SUGCT: variants seen among roughly 807,000 people sequenced by gnomAD.
The protein encoded by SUGCT is succinyl-CoA:glutarate-CoA transferase.
In SUGCT, 41 loss-of-function variants were observed where a neutral mutation model predicts 55.0. The ratio of observed to expected loss-of-function variants is 0.74; its 90% confidence interval spans 0.58 to 0.97. The LOEUF (loss-of-function observed/expected upper bound fraction) is 0.97, where lower values mean the gene tolerates loss of function less well. Ranked by LOEUF, SUGCT falls within the 50% of genes least tolerant of loss-of-function variation. The pLI is 0.00. For synonymous variants in SUGCT, 187 were observed against 200.4 expected (o/e 0.93, Z 0.56); for missense variants, 568 against 547.8 (o/e 1.04, Z -0.37).
At chr7:40,316,955 G>GTTTTTGT in intron 9 of SUGCT, 100 bp downstream of exon 9, 1 of 186,724 alleles carries the variant, frequency 5.4e-6, no homozygotes, top group South Asian at 1.4e-4. Context: ...TCCTTCAGCT[G>GTTTTTGT]TTTTTTTTTT....
intron 12 of SUGCT, among the ~76,000 whole-genome samples, chr7:40,522,232 G>T (rs1052996534): frequency 4.6e-5 from 7 of 152,084 alleles, no homozygotes; most frequent in Admixed American, 2.0e-4. Flanking sequence ...CAAACTTGTA[G>T]TTTCTCTAAC....
chr7:40,827,782 AG>A (rs988097682), intron 13 of SUGCT, among the ~76,000 whole-genome samples: 1 of 152,114 alleles, frequency 6.6e-6, no homozygotes, highest in Non-Finnish European at 1.5e-5. Flanking sequence ...AAAGGGAAAA[AG>A]CCACAAGAAC....
chr7:40,219,169 C>T (rs958531414), intron 6 of SUGCT, among the ~76,000 whole-genome samples: 17 of 152,050 alleles, frequency 1.1e-4, no homozygotes, highest in Non-Finnish European at 1.9e-4. Context: ...CTGCAGCTTC[C>T]CTCCTGAAGT....
intron 13 of SUGCT, among the ~76,000 whole-genome samples, chr7:40,776,400 C>T (rs186043880): frequency 9.2e-4 from 140 of 152,104 alleles, no homozygotes; most frequent in Middle Eastern, 6.8e-3. Context: ...GGACATAAAC[C>T]CAAACTGATT....
At chr7:40,391,330 A>C (rs992749954) in intron 9 of SUGCT, among the ~76,000 whole-genome samples, 2 of 152,210 alleles carry the variant, frequency 1.3e-5, no homozygotes, top group African/African-American at 4.8e-5. Flanking sequence ...AGAAACTACC[A>C]TCAGAGTGAA....
At chr7:40,249,344 T>TATAAAAAA (rs1554296394) in intron 7 of SUGCT, among the ~76,000 whole-genome samples, 1 of 128,160 alleles carries the variant, frequency 7.8e-6, no homozygotes, top group African/African-American at 3.3e-5. Context: ...TATATATATA[T>TATAAAAAA]ATAATTATAT....
chr7:40,780,736 G>C (rs575790408), intron 13 of SUGCT, among the ~76,000 whole-genome samples: 7 of 149,626 alleles, frequency 4.7e-5, no homozygotes, highest in Admixed American at 4.0e-4. Flanking sequence ...GGAGTTCCTA[G>C]TGTGGGTTTT....
chr7:40,383,305 A>C (rs1215028649), intron 9 of SUGCT, among the ~76,000 whole-genome samples: 1 of 152,198 alleles, frequency 6.6e-6, no homozygotes, highest in Non-Finnish European at 1.5e-5. Context: ...AGAAACTAGA[A>C]TCCATCGATT....
intron 12 of SUGCT, among the ~76,000 whole-genome samples, chr7:40,653,059 C>G (rs539826229): frequency 2.0e-5 from 3 of 152,322 alleles, no homozygotes; most frequent in South Asian, 4.1e-4. Flanking sequence ...AGCTTCATCT[C>G]TACCATGAAG....
At chr7:40,358,167 T>A (rs980904575) in intron 9 of SUGCT, among the ~76,000 whole-genome samples, 1 of 152,190 alleles carries the variant, frequency 6.6e-6, no homozygotes, top group African/African-American at 2.4e-5. Flanking sequence ...TCCTACACAA[T>A]ATGTGGGAGC....
At chr7:40,633,757 A>C (rs1203407554) in intron 12 of SUGCT, among the ~76,000 whole-genome samples, 1 of 152,208 alleles carries the variant, frequency 6.6e-6, no homozygotes, top group Non-Finnish European at 1.5e-5. Flanking sequence ...TGAGGAATAC[A>C]ATGTGTGTGA....
At chr7:40,960,398 T>G in the SUGCT span, among the ~76,000 whole-genome samples, 1 of 152,298 alleles carries the variant, frequency 6.6e-6, no homozygotes, top group Non-Finnish European at 1.5e-5. Context: ...AAATCAGTCA[T>G]GGTACATAAA....
chr7:40,290,010 A>G (rs1263913671), intron 8 of SUGCT, among the ~76,000 whole-genome samples: 1 of 152,166 alleles, frequency 6.6e-6, no homozygotes, highest in Admixed American at 6.5e-5. Context: ...AAAAGAGGAT[A>G]CAAACAAATG....
intron 12 of SUGCT, among the ~76,000 whole-genome samples, chr7:40,740,334 G>A (rs1188013715): frequency 3.3e-5 from 5 of 151,554 alleles, no homozygotes; most frequent in African/African-American, 9.7e-5. Context: ...GGACAATTGT[G>A]TTATCTGTAT....
chr7:40,145,927 T>C (rs1257459869), intron 1 of SUGCT, among the ~76,000 whole-genome samples: 4 of 152,238 alleles, frequency 2.6e-5, no homozygotes, highest in Non-Finnish European at 5.9e-5. Context: ...CCTCCTGTCC[T>C]GAAGGGAGTT....
At chr7:40,771,204 T>C (rs1789085617) in intron 13 of SUGCT, among the ~76,000 whole-genome samples, 1 of 152,192 alleles carries the variant, frequency 6.6e-6, no homozygotes, top group Admixed American at 6.6e-5. Flanking sequence ...AAAACATACT[T>C]AGATTTCCCC....
At chr7:41,020,452 T>G in the SUGCT span, among the ~76,000 whole-genome samples, 1 of 152,244 alleles carries the variant, frequency 6.6e-6, no homozygotes, top group Non-Finnish European at 1.5e-5. Context: ...AAAGTTTCAT[T>G]ATTAAAACCA....
At chr7:40,989,644 G>A in the SUGCT span, among the ~76,000 whole-genome samples, 2 of 151,964 alleles carry the variant, frequency 1.3e-5, no homozygotes, top group African/African-American at 4.8e-5. Flanking sequence ...GGTGGTGTGG[G>A]CCTGTAATCC....
chr7:40,291,681 A>T (rs984042798), intron 8 of SUGCT, among the ~76,000 whole-genome samples: 5 of 151,584 alleles, frequency 3.3e-5, no homozygotes, highest in African/African-American at 1.2e-4. Flanking sequence ...AAATATATAT[A>T]TAGTAATAAA....
Sources: gnomAD v4.1 joint callset for allele counts (sites outside exome capture counted in the v4.1 genomes callset) on GRCh38, gnomAD v4.1.1 for gene constraint, MANE v1.5 for transcripts, NCBI Gene and HGNC (gene_info 2026-07-23, HGNC 2026-07-21) for gene names.